The following IGSF9B variants were observed in gnomAD, a reference collection of about 807,000 sequenced individuals.
IGSF9B encodes protein turtle homolog B.
In IGSF9B, 48 loss-of-function variants were observed where a neutral mutation model predicts 143.7. That is an observed-to-expected ratio of 0.33 (90% confidence interval 0.26 to 0.42). The LOEUF (loss-of-function observed/expected upper bound fraction) is 0.42, where lower values mean the gene tolerates loss of function less well. Ranked by LOEUF, IGSF9B falls within the 20% of genes least tolerant of loss-of-function variation. The probability of loss-of-function intolerance (pLI) is 1.00; values close to 1 mark genes in which losing one functional copy is unlikely to be tolerated. For synonymous variants in IGSF9B, 903 were observed against 833.1 expected (o/e 1.08, Z -1.44); for missense variants, 1,706 against 1,980.0 (o/e 0.86, Z 2.63).
In IGSF9B at chr11:133,902,016, TAC is replaced by T. The variant is rs370726362; in HGVS notation, c.*7051_*7052del. Among the ~76,000 whole-genome samples the T allele has an allele frequency of 6.2e-5, 6 of 96,886 alleles. No homozygotes were observed. The East Asian group carries it at 1.7e-3, about 27-fold the overall frequency. 63.6% of individuals were successfully genotyped at this position (96,886 alleles called of 152,430 possible). On this transcript the variant is annotated 3_prime_UTR_variant, in exon 20 of 20. Coordinates refer to ENST00000533871, the MANE Select transcript of IGSF9B (RefSeq NM_001277285.4). ...ATCACACACACACACACACCAGACATACACACACCATACCACACACCACACCC... is the reference window on the plus strand; with the variant it reads ...ATCACACACACACACACACCAGACATACACACCATACCACACACCACACCC...
At chr11:133,942,618 C>T (rs374323689) in intron 3 of IGSF9B, among the ~76,000 whole-genome samples, 99 of 152,332 alleles carry the variant, frequency 6.5e-4, no homozygotes, top group African/African-American at 2.3e-3. Flanking sequence ...TGGTTTCACC[C>T]TCCCATTCAG....
chr11:133,931,145 A>AG lies in IGSF9B; in HGVS notation c.1369-12_1369-11insC, dbSNP rs770584792. ...GCTGGGCTTCCCTACCTTGGTGAAC[A>AG]AGGGGCAGGGAAGAGGGTGGGAACA... On this transcript the variant is annotated splice_polypyrimidine_tract_variant and intron_variant, in intron 10 of 19. Coordinates refer to ENST00000533871, the MANE Select transcript of IGSF9B (RefSeq NM_001277285.4). This position sits in a 1 kb window ranked among gnomAD's most constrained non-coding sequence, Gnocchi z 7.7. 1 of 1,609,768 alleles carries AG rather than the reference A, an allele frequency of 6.2e-7. No individual in the cohort carries two copies. The highest frequency in any genetic ancestry group is 1.1e-5 in the South Asian group (1 of 90,670).
At position 133,908,715 on chromosome 11, in the gene IGSF9B, A is replaced by G. The variant is rs1939251666; in HGVS notation, c.*354T>C. On this transcript the variant is annotated 3_prime_UTR_variant, in exon 20 of 20. Coordinates refer to ENST00000533871, the MANE Select transcript of IGSF9B (RefSeq NM_001277285.4). ...CTTCTTCCAGGACTTGAAAAACTGA[A>G]ACAGAAGCAGAGAGCAGTAAAAGCC... 4.4e-6 allele frequency: 1 copy of G among 225,402 alleles called. No individual in the cohort carries two copies. The highest frequency in any genetic ancestry group is 8.8e-6 in the Non-Finnish European group (1 of 113,272). 14.0% of individuals were successfully genotyped at this position (225,402 alleles called of 1,614,324 possible). A position where few individuals can be genotyped will look rare whatever the true frequency, so the allele number is the denominator to read the frequency against.
intron 18 of IGSF9B, 162 bp from the exon 19 acceptor site, chr11:133,912,169 G>T: frequency 1.2e-6 from 1 of 857,898 alleles, no homozygotes; most frequent in Non-Finnish European, 1.9e-6. Context: ...CCTTTCTATT[G>T]CTCCTGGAAA....
intron 3 of IGSF9B, among the ~76,000 whole-genome samples, chr11:133,938,706 A>AAGG (rs1939870232): frequency 6.6e-6 from 1 of 152,256 alleles, no homozygotes; most frequent in Admixed American, 6.5e-5. Context: ...CTGAAATGGC[A>AAGG]AGGAGGCCCC....
Position 133,909,353 on chromosome 11 carries a change from C to T in IGSF9B, c.4106-76G>A, listed in dbSNP as rs1244433084. 6 of 1,148,516 alleles carry T rather than the reference C, an allele frequency of 5.2e-6. No homozygotes were observed. Among genetic ancestry groups the T allele is most frequent in the Non-Finnish European group, 7.5e-6 (6 of 797,716 alleles). The allele number at this position is 1,148,516 out of a possible 1,614,324, so 71.1% of individuals were successfully genotyped here. On this transcript the variant is annotated intron_variant, in intron 19 of 19. Transcript: ENST00000533871. This position sits in a 1 kb window ranked among gnomAD's most constrained non-coding sequence, Gnocchi z 4.2. ...AAGCACGCAGCCTGCTCACCTTTTCCACCTGCATTTGTTCCGGGTTTCTAA... is the reference window on the plus strand; with the variant it reads ...AAGCACGCAGCCTGCTCACCTTTTCTACCTGCATTTGTTCCGGGTTTCTAA...
In IGSF9B at chr11:133,904,224, A is replaced by C. The variant is rs1179115305; in HGVS notation, c.*4845T>G. Among the ~76,000 whole-genome samples the C allele has an allele frequency of 6.6e-6, 1 of 152,116 alleles. No homozygotes were observed. Among genetic ancestry groups the C allele is most frequent in the Non-Finnish European group, 1.5e-5 (1 of 68,020 alleles). On this transcript the variant is annotated 3_prime_UTR_variant, in exon 20 of 20. Coordinates refer to ENST00000533871, the MANE Select transcript of IGSF9B (RefSeq NM_001277285.4). ...CCATCACCATCACCAAGGCCCATGA[A>C]CATTTTCAGATTGTGGACGGAGAGG...
At chr11:133,922,332 T>C in intron 16 of IGSF9B, 110 bp from the exon 17 acceptor site, 1 of 1,105,070 alleles carries the variant, frequency 9.0e-7, no homozygotes, top group Non-Finnish European at 1.3e-6. Flanking sequence ...GGGAAGGAGC[T>C]GCTCACAGTG....
chr11:133,910,572 C>T (rs909104331), intron 19 of IGSF9B, among the ~76,000 whole-genome samples: 2 of 152,168 alleles, frequency 1.3e-5, no homozygotes, highest in Non-Finnish European at 2.9e-5. Flanking sequence ...TGAGGAGAAG[C>T]AGACCTGGAG....
At chr11:133,930,138 A>T (rs1939696257) in intron 11 of IGSF9B, among the ~76,000 whole-genome samples, 1 of 152,166 alleles carries the variant, frequency 6.6e-6, no homozygotes, top group African/African-American at 2.4e-5. Context: ...GCACAGCCAC[A>T]GAGCCCCTCC....
chr11:133,911,664 T>C (rs757998304), intron 19 of IGSF9B, among the ~76,000 whole-genome samples: 1 of 152,234 alleles, frequency 6.6e-6, no homozygotes, highest in Non-Finnish European at 1.5e-5. Context: ...TTCCCTTATC[T>C]TTCTCGTTTT....
At chr11:133,930,704 A>G (rs1261612620) in intron 11 of IGSF9B, among the ~76,000 whole-genome samples, 1 of 152,200 alleles carries the variant, frequency 6.6e-6, no homozygotes, top group Non-Finnish European at 1.5e-5. Context: ...AGTCCCTGCC[A>G]GCCACACAGC....
rs1420630054 is a variant in IGSF9B, at chr11:133,904,552, C to A, written c.*4517G>T. 6.6e-6 allele frequency among the ~76,000 whole-genome samples: 1 copy of A among 152,090 alleles called. No individual in the cohort carries two copies. Among genetic ancestry groups the A allele is most frequent in the South Asian group, 2.1e-4 (1 of 4,816 alleles). On this transcript the variant is annotated 3_prime_UTR_variant, in exon 20 of 20. Transcript: ENST00000533871. Reference sequence around the variant, plus strand: ...ACAATCCGTCCCTGATGCCCAGATCCCCCTCCCACATGCCCTGCATGGCTA... The same window carrying A: ...ACAATCCGTCCCTGATGCCCAGATCACCCTCCCACATGCCCTGCATGGCTA...
At position 133,906,445 on chromosome 11, in the gene IGSF9B, C is replaced by A. The variant is rs1308217649; in HGVS notation, c.*2624G>T. ...GCCACTGAGAGATGGGCAGACCTGA[C>A]GTCCTTGCCCTAGCCAGGGAAGCCA... On this transcript the variant is annotated 3_prime_UTR_variant, in exon 20 of 20. Transcript: ENST00000533871. 6.6e-6 allele frequency among the ~76,000 whole-genome samples: 1 copy of A among 152,324 alleles called. No individual in the cohort carries two copies. The highest frequency in any genetic ancestry group is 2.1e-4 in the South Asian group (1 of 4,830).
At position 133,902,159 on chromosome 11, in the gene IGSF9B, CACACACACCAA is replaced by C. The variant is rs1258360746; in HGVS notation, c.*6899_*6909del. On this transcript the variant is annotated 3_prime_UTR_variant, in exon 20 of 20. Coordinates refer to ENST00000533871, the MANE Select transcript of IGSF9B (RefSeq NM_001277285.4). ...ACCACACCAAACACACCAGACACAC[CACACACACCAA>C]ACACACACACACCAAACACACCAGA... 6.7e-6 allele frequency among the ~76,000 whole-genome samples: 1 copy of C among 149,494 alleles called. No homozygotes were observed. Among genetic ancestry groups the C allele is most frequent in the Non-Finnish European group, 1.5e-5 (1 of 67,294 alleles).
At chr11:133,952,654 A>G (rs1477335360) in intron 1 of IGSF9B, among the ~76,000 whole-genome samples, 1 of 152,206 alleles carries the variant, frequency 6.6e-6, no homozygotes, top group Non-Finnish European at 1.5e-5. Flanking sequence ...ATGTGCACAC[A>G]CATACAGGTG....
At chr11:133,926,378 G>T (rs943018620) in intron 13 of IGSF9B, among the ~76,000 whole-genome samples, 3 of 152,236 alleles carry the variant, frequency 2.0e-5, no homozygotes, top group Non-Finnish European at 4.4e-5. Flanking sequence ...GGCCGCTCAG[G>T]AGCGGATTCT....
At position 133,920,010 on chromosome 11, in the gene IGSF9B, G is replaced by A. The variant is rs1939485960; in HGVS notation, c.3715C>T (p.Leu1239=). Residue 1239 remains leucine (L), a synonymous_variant, in exon 18 of 20, where the codon CTG becomes TTG. Transcript: ENST00000533871. ...AAGCTGACTGCAGCCGGCGGCTGCA[G>A]GGTGATCTCTGACATCTCTGCCTGC... ...LQQAEMSEIT[L]QPPAAVSFSR... 6.9e-6 allele frequency: 11 copies of A among 1,585,600 alleles called. No individual in the cohort carries two copies. Among genetic ancestry groups the A allele is most frequent in the East Asian group, 6.8e-5 (3 of 44,396 alleles).
At chr11:133,932,031 G>C (rs115919111) in intron 8 of IGSF9B, 40 bp downstream of exon 8, 1 of 1,587,374 alleles carries the variant, frequency 6.3e-7, no homozygotes, top group Admixed American at 1.7e-5. Context: ...GTACTGGGGG[G>C]AGCCCTCACT....
Sources: allele counts gnomAD v4.1 joint callset (sites outside exome capture counted in the v4.1 genomes callset), GRCh38; gene constraint gnomAD v4.1.1; non-coding constraint Gnocchi (gnomAD v3.1); transcripts MANE v1.5; gene names NCBI Gene and HGNC (gene_info 2026-07-23, HGNC 2026-07-21).